Variants in GABRA2 observed in about 807,000 individuals in gnomAD.
GABRA2 encodes the protein gamma-aminobutyric acid type A receptor subunit alpha2.
GABRA2 carries 16 observed loss-of-function variants against 48.7 expected under a neutral mutation model. The observed-to-expected ratio is 0.33, with a 90% confidence interval of 0.22 to 0.50. The LOEUF (loss-of-function observed/expected upper bound fraction) is 0.50. Among genes scored for constraint, GABRA2 ranks in the 20% least tolerant of loss-of-function variants. GABRA2 has a pLI of 0.98. For synonymous variants in GABRA2, 185 were observed against 184.5 expected, an observed-to-expected ratio of 1.00 and a Z score of -0.02; for missense variants, 275 against 535.6, an observed-to-expected ratio of 0.51 and a Z score of 4.80.
intron 4 of GABRA2, among the ~76,000 whole-genome samples, chr4:46,328,331 T>C (rs1206966176): frequency 1.3e-5 from 2 of 151,728 alleles, no homozygotes; most frequent in Non-Finnish European, 2.9e-5. Flanking sequence ...TGCATATTCT[T>C]TTGGTTCATA....
intron 3 of GABRA2, among the ~76,000 whole-genome samples, chr4:46,340,080 T>A (rs1392334717): frequency 1.3e-5 from 2 of 151,842 alleles, no homozygotes. Flanking sequence ...AGTAAATCTC[T>A]TCTCAAAGAT....
chr4:46,309,592 T>C (rs1727283503), intron 6 of GABRA2, among the ~76,000 whole-genome samples: 2 of 151,928 alleles, frequency 1.3e-5, no homozygotes, highest in South Asian at 4.2e-4. Flanking sequence ...ACATACAAGA[T>C]ATAACCCTTC....
At chr4:46,301,353 G>A (rs1327517773) in intron 8 of GABRA2, among the ~76,000 whole-genome samples, 1 of 152,182 alleles carries the variant, frequency 6.6e-6, no homozygotes. Flanking sequence ...TATATACCAT[G>A]TATTAAATGC....
At chr4:46,348,160 A>G (rs1328046841) in intron 3 of GABRA2, among the ~76,000 whole-genome samples, 2 of 152,162 alleles carry the variant, frequency 1.3e-5, no homozygotes, top group Non-Finnish European at 2.9e-5. Flanking sequence ...TGCAGCCAAA[A>G]GTCACATGAA....
chr4:46,352,079 AC>A (rs1412604662), intron 3 of GABRA2, among the ~76,000 whole-genome samples: 1 of 151,822 alleles, frequency 6.6e-6, no homozygotes, highest in Non-Finnish European at 1.5e-5. Flanking sequence ...CTATGGTACA[AC>A]CCCAGCTAAC....
intron 4 of GABRA2, 77 bp downstream of exon 4, chr4:46,332,538 A>G: frequency 1.2e-6 from 1 of 832,522 alleles, no homozygotes. Flanking sequence ...CTATAACACT[A>G]AAAATGCTAG....
In GABRA2 at chr4:46,281,824, T is replaced by C. The variant is rs561393500; in HGVS notation, c.857-19696A>G. Among the ~76,000 whole-genome samples the C allele has an allele frequency of 3.3e-5, 5 of 152,248 alleles. No homozygotes were observed. The South Asian group carries it at 1.0e-3, about 32-fold the overall frequency. On this transcript the variant is annotated intron_variant, in intron 8 of 9. Transcript: ENST00000381620. The stretch of plus-strand genomic sequence containing the variant: ...TTAGAAGAGTCAAGGGAATTTTATT[T>C]GAGGACTGGTTAATTAATGCCATAT...
rs1336005531 is a variant in GABRA2, at chr4:46,303,554, C to T, written c.762G>A (p.Val254=). 1 of 1,613,800 alleles carries T rather than the reference C, an allele frequency of 6.2e-7. No individual in the cohort carries two copies. Residue 254 remains valine, a synonymous_variant, in exon 8 of 10, where the codon GTG becomes GTA. Coordinates refer to ENST00000381620, the MANE Select transcript of GABRA2 (RefSeq NM_000807.4). ...TGATGCAAGGCAGATAGGTTTGAAT[C>T]ACAAAATACCCAATTTTTCTTTTCA... ...FHLKRKIGYF[V]IQTYLPCIMT... is the part of the protein sequence containing the mutation.
chr4:46,273,007 T>C (rs1037792295), intron 8 of GABRA2, among the ~76,000 whole-genome samples: 12 of 152,140 alleles, frequency 7.9e-5, no homozygotes, highest in South Asian at 4.2e-4. Flanking sequence ...CAACCCATCA[T>C]CTACATTAGG....
intron 3 of GABRA2, among the ~76,000 whole-genome samples, chr4:46,343,313 T>C (rs1053807602): frequency 2.0e-5 from 3 of 151,984 alleles, no homozygotes; most frequent in African/African-American, 7.2e-5. Context: ...TGGAACGTAG[T>C]AGGCTCTGAA....
At chr4:46,257,016 CA>C (rs1174361495) in intron 9 of GABRA2, among the ~76,000 whole-genome samples, 11 of 151,546 alleles carry the variant, frequency 7.3e-5, no homozygotes, top group Non-Finnish European at 1.3e-4. Context: ...AAAGTAAATA[CA>C]TTTTTTTATC....
chr4:46,355,191 ATT>A (rs1028397705), intron 3 of GABRA2, among the ~76,000 whole-genome samples: 5 of 152,076 alleles, frequency 3.3e-5, no homozygotes, highest in African/African-American at 9.7e-5. Context: ...GTCTTACTTT[ATT>A]TTTTGCCAGC....
intron 4 of GABRA2, among the ~76,000 whole-genome samples, chr4:46,321,383 CTA>C (rs1560524984): frequency 6.6e-6 from 1 of 151,938 alleles, no homozygotes; most frequent in African/African-American, 2.4e-5. Context: ...AAAAAGTAAA[CTA>C]TGCAAGATGA....
In GABRA2 at chr4:46,350,598, C is replaced by T. The variant is rs539566102; in HGVS notation, c.188-17916G>A. Among the ~76,000 whole-genome samples the T allele has an allele frequency of 5.5e-4, 83 of 151,648 alleles. 1 individual carries two copies. Among genetic ancestry groups the T allele is most frequent in the African/African-American group, 1.8e-3 (75 of 41,408 alleles). On this transcript the variant is annotated intron_variant, in intron 3 of 9. Transcript: ENST00000381620. ...AATTTTGATGTTGAACTGCCTCAAACTTAAATTAAAATAATTATACCACTT... is the reference window on the plus strand; with the variant it reads ...AATTTTGATGTTGAACTGCCTCAAATTTAAATTAAAATAATTATACCACTT...
intron 8 of GABRA2, among the ~76,000 whole-genome samples, chr4:46,289,997 C>T (rs1313781785): frequency 1.3e-5 from 2 of 150,506 alleles, no homozygotes; most frequent in African/African-American, 2.4e-5. Context: ...CTGCAAGACC[C>T]GCCTCCCGGG....
intron 8 of GABRA2, among the ~76,000 whole-genome samples, chr4:46,283,550 G>A (rs969776729): frequency 6.6e-6 from 1 of 152,080 alleles, no homozygotes; most frequent in Non-Finnish European, 1.5e-5. Context: ...AATGAATCAG[G>A]GCTATCTGTA....
chr4:46,273,502 C>CATATATATATATATATATATAT (rs71637683), intron 8 of GABRA2, among the ~76,000 whole-genome samples: 4 of 48,142 alleles, frequency 8.3e-5, no homozygotes, highest in Non-Finnish European at 1.6e-4. Flanking sequence ...TATATATATG[C>CATATATATATATATATATATAT]ATATATATAT....
At chr4:46,358,360 A>T (rs753733141) in intron 3 of GABRA2, among the ~76,000 whole-genome samples, 2 of 152,204 alleles carry the variant, frequency 1.3e-5, no homozygotes, top group Non-Finnish European at 2.9e-5. Context: ...ATACTGTGTC[A>T]GTAGGAATTA....
intron 8 of GABRA2, among the ~76,000 whole-genome samples, chr4:46,279,851 T>C (rs1175022173): frequency 1.3e-5 from 2 of 152,130 alleles, no homozygotes; most frequent in African/African-American, 4.8e-5. Context: ...TTTTGGAATA[T>C]ACTATAATCT....
Sources: gnomAD v4.1 joint callset for allele counts (sites outside exome capture counted in the v4.1 genomes callset) on GRCh38, gnomAD v4.1.1 for gene constraint, MANE v1.5 for transcripts, NCBI Gene and HGNC (gene_info 2026-07-23, HGNC 2026-07-21) for gene names.